PSD2: variants seen among roughly 807,000 people sequenced by gnomAD.
PSD2 encodes PH and SEC7 domain-containing protein 2.
PSD2 carries 38 observed loss-of-function variants against 69.8 expected under a neutral mutation model. That is an observed-to-expected ratio of 0.54 (90% CI 0.42 to 0.71). PSD2 has a LOEUF of 0.71. PSD2 is among the 30% of genes least tolerant of loss of function. PSD2 has a pLI of 0.00. For missense variants in PSD2, 943 were observed against 1,014.5 expected (o/e 0.93, Z 0.96); for synonymous variants, 412 against 423.0 (o/e 0.97, Z 0.32).
In PSD2 at chr5:139,839,443, G is replaced by A. The variant is rs899602708; in HGVS notation, c.1969-584G>A. On this transcript the variant is annotated intron_variant, in intron 13 of 14. Transcript: ENST00000274710. This position sits in a 1 kb window ranked among gnomAD's most constrained non-coding sequence, Gnocchi z 5.1. ...TCACATGTGTAAACACACAGGTGGT[G>A]ACTCATACACACATGCATGCATGTG... Among the ~76,000 whole-genome samples the A allele has an allele frequency of 9.2e-5, 14 of 152,256 alleles. No individual in the cohort carries two copies. The highest frequency in any genetic ancestry group is 3.4e-4 in the African/African-American group (14 of 41,464).
At chr5:139,838,881 C>A in intron 13 of PSD2, 109 bp downstream of exon 13, 1 of 1,207,252 alleles carries the variant, frequency 8.3e-7, no homozygotes, top group Non-Finnish European at 1.2e-6. Context: ...TGATCCTGGG[C>A]TGAAGGACAC....
At chr5:139,835,665 A>G (rs368518960) in intron 8 of PSD2, 58 bp from the exon 9 acceptor site, 2 of 1,536,782 alleles carry the variant, frequency 1.3e-6, no homozygotes, top group African/African-American at 2.7e-5. Flanking sequence ...TTGGTGGTAG[A>G]TGAGGGTTTC....
At chr5:139,788,245 C>G in the PSD2 span, among the ~76,000 whole-genome samples, 2 of 151,606 alleles carry the variant, frequency 1.3e-5, no homozygotes, top group Non-Finnish European at 2.9e-5. Flanking sequence ...CTGCGGGAAC[C>G]TTCCCGGCTT....
chr5:139,786,128 T>C, the PSD2 span, among the ~76,000 whole-genome samples: 6 of 151,850 alleles, frequency 4.0e-5, no homozygotes, highest in Non-Finnish European at 8.8e-5. Flanking sequence ...CTCACACCTG[T>C]CGTCCCAGCT....
At chr5:139,818,800 CA>C (rs1760187343) in intron 5 of PSD2, among the ~76,000 whole-genome samples, 1 of 152,004 alleles carries the variant, frequency 6.6e-6, no homozygotes, top group Non-Finnish European at 1.5e-5. Flanking sequence ...ATAATGGAAC[CA>C]TAGGCATAAA....
intron 7 of PSD2, 43 bp from the exon 8 acceptor site, chr5:139,833,659 G>T: frequency 6.9e-7 from 1 of 1,452,448 alleles, no homozygotes. Context: ...GAACACACCA[G>T]CCTCCTTCCC....
At chr5:139,771,403 G>A in the PSD2 span, among the ~76,000 whole-genome samples, 2 of 151,920 alleles carry the variant, frequency 1.3e-5, no homozygotes, top group East Asian at 3.8e-4. Context: ...TTTTGAGATG[G>A]AGTCTCACTC....
At chr5:139,759,598 G>A in the PSD2 span, among the ~76,000 whole-genome samples, 2 of 152,228 alleles carry the variant, frequency 1.3e-5, no homozygotes, top group Non-Finnish European at 2.9e-5. Flanking sequence ...GCAGTGGCTG[G>A]AGGTGACCTT....
chr5:139,796,571 T>C (rs776780623), intron 1 of PSD2, among the ~76,000 whole-genome samples: 2 of 152,154 alleles, frequency 1.3e-5, no homozygotes, highest in African/African-American at 2.4e-5. Context: ...AGGCACATAA[T>C]GGCCGAGGCG....
intron 5 of PSD2, among the ~76,000 whole-genome samples, chr5:139,818,040 A>G (rs1760165588): frequency 2.0e-5 from 3 of 152,184 alleles, no homozygotes; most frequent in Admixed American, 2.0e-4. Flanking sequence ...AGTAGACCTC[A>G]GGAGGGCCAA....
chr5:139,759,620 G>A, the PSD2 span, among the ~76,000 whole-genome samples: 2 of 152,328 alleles, frequency 1.3e-5, no homozygotes, highest in East Asian at 1.9e-4. Context: ...TGGAGACGGC[G>A]ATTAATCACG....
chr5:139,799,246 A>G (rs1184619598), intron 1 of PSD2, among the ~76,000 whole-genome samples: 1 of 152,176 alleles, frequency 6.6e-6, no homozygotes, highest in Admixed American at 6.6e-5. Context: ...AGCTTCATCT[A>G]CCTGGTAATC....
chr5:139,794,927 T>A (rs1401457373), upstream of PSD2, among the ~76,000 whole-genome samples: 4 of 152,052 alleles, frequency 2.6e-5, no homozygotes, highest in African/African-American at 9.7e-5. Flanking sequence ...TCAGTTAGAG[T>A]CCTGGGCTGA....
At chr5:139,776,151 C>T in the PSD2 span, among the ~76,000 whole-genome samples, 805 of 152,370 alleles carry the variant, frequency 5.3e-3, 6 homozygotes, top group African/African-American at 0.018. Context: ...GACCTCCTGC[C>T]GCTGAGGGCT....
chr5:139,822,152 A>G, intron 6 of PSD2, 147 bp downstream of exon 6: 1 of 536,218 alleles, frequency 1.9e-6, no homozygotes, highest in Non-Finnish European at 3.4e-6. Flanking sequence ...TGCTCAATGA[A>G]TGCTAATTGA....
chr5:139,836,963 T>C lies in PSD2; in HGVS notation c.1556T>C (p.Leu519Pro). 6.2e-7 allele frequency: 1 copy of C among 1,613,916 alleles called. No homozygotes were observed. Among genetic ancestry groups the C allele is most frequent in the Non-Finnish European group, 8.5e-7 (1 of 1,179,940 alleles). ...LSATTYKHGV[L>P]TRKTHADMDG... The stretch of plus-strand genomic sequence containing the variant: ...GCCACCACCTACAAGCACGGCGTCC[T>C]GACCCGGAAGACTCACGCTGACATG... Residue 519 changes from leucine to proline, a missense_variant, in exon 10 of 15, where the codon CTG becomes CCG. Physicochemically the swap from Leu to Pro is moderately conservative, Grantham distance 98 (BLOSUM62 -3). Coordinates refer to ENST00000274710, the MANE Select transcript of PSD2 (RefSeq NM_032289.4).
chr5:139,789,078 G>C, the PSD2 span, among the ~76,000 whole-genome samples: 3 of 152,204 alleles, frequency 2.0e-5, no homozygotes, highest in Non-Finnish European at 2.9e-5. Context: ...TCCCTGCCCC[G>C]GCTCCTGACT....
Position 139,836,802 on chromosome 5 carries a change from C to T in PSD2, c.1404-9C>T, listed in dbSNP as rs1269515079. On this transcript the variant is annotated splice_polypyrimidine_tract_variant and intron_variant, in intron 9 of 14. Transcript: ENST00000274710. The stretch of plus-strand genomic sequence containing the variant: ...CTGGAGGTGGTGCTCAGGCCTAGTA[C>T]TTCCCTAGTGATGAGGATGAGCTGA... 6.2e-7 allele frequency: 1 copy of T among 1,613,008 alleles called. No homozygotes were observed. Among genetic ancestry groups the T allele is most frequent in the South Asian group, 1.1e-5 (1 of 90,960 alleles).
At chr5:139,759,829 C>T in the PSD2 span, among the ~76,000 whole-genome samples, 1 of 152,274 alleles carries the variant, frequency 6.6e-6, no homozygotes, top group Non-Finnish European at 1.5e-5. Flanking sequence ...GGCACAGACC[C>T]CTCTCTGGCC....
Sources: gnomAD v4.1 joint callset for allele counts (sites outside exome capture counted in the v4.1 genomes callset) on GRCh38, gnomAD v4.1.1 for gene constraint, Gnocchi (gnomAD v3.1) non-coding constraint, MANE v1.5 for transcripts, NCBI Gene and HGNC (gene_info 2026-07-23, HGNC 2026-07-21) for gene names.